The following FRMD4A variants were observed in gnomAD, a reference collection of about 807,000 sequenced individuals.
FRMD4A encodes the protein FERM domain containing 4A, also known as FERM domain-containing protein 4A.
Under a neutral mutation model 129.1 loss-of-function variants are expected in FRMD4A, and 29 were observed. The observed-to-expected ratio is 0.22, with a 90% CI of 0.17 to 0.31. The LOEUF is 0.31. Among genes scored for constraint, FRMD4A ranks in the 10% least tolerant of loss-of-function variants. The pLI is 1.00. For synonymous variants in FRMD4A, 634 were observed against 571.6 expected (o/e 1.11, Z -1.56); for missense variants, 1,272 against 1,375.8 (o/e 0.92, Z 1.19).
intron 2 of FRMD4A, among the ~76,000 whole-genome samples, chr10:13,884,196 TCA>T (rs1564971568): frequency 2.1e-4 from 23 of 108,568 alleles, no homozygotes; most frequent in Admixed American, 7.0e-4. Context: ...ACACACACAC[TCA>T]CACACACACT....
At chr10:14,003,774 A>C (rs546171271) in intron 2 of FRMD4A, among the ~76,000 whole-genome samples, 1 of 152,336 alleles carries the variant, frequency 6.6e-6, no homozygotes, top group East Asian at 1.9e-4. Flanking sequence ...TCACTCACTC[A>C]TTCTTAGGCT....
At chr10:14,181,451 C>A (rs1841910856) in intron 2 of FRMD4A, among the ~76,000 whole-genome samples, 1 of 152,152 alleles carries the variant, frequency 6.6e-6, no homozygotes, top group Non-Finnish European at 1.5e-5. Flanking sequence ...TGGGCGGAAG[C>A]AATGCCTCCT....
intron 2 of FRMD4A, chr10:14,326,953 C>A: frequency 2.5e-6 from 1 of 398,688 alleles, no homozygotes; most frequent in Non-Finnish European, 4.4e-6. Flanking sequence ...CTCCAAGTCC[C>A]CCCTTCCGTG....
At position 13,932,415 on chromosome 10, in the gene FRMD4A, C is replaced by A. The variant is rs187429134; in HGVS notation, c.46-73503G>T. 1.5e-4 allele frequency among the ~76,000 whole-genome samples: 23 copies of A among 152,304 alleles called. 1 individual carries two copies. The highest frequency in any genetic ancestry group is 2.1e-4 in the Non-Finnish European group (14 of 68,014). On this transcript the variant is annotated intron_variant, in intron 2 of 24. Transcript: ENST00000357447. ...TCATCTCCTGAAAGCCCCTTCTGGA[C>A]AAACTCCAGGTTTCCAGGTCTGTTT...
At chr10:13,965,224 C>G (rs189490781) in intron 2 of FRMD4A, among the ~76,000 whole-genome samples, 37 of 152,252 alleles carry the variant, frequency 2.4e-4, no homozygotes, top group African/African-American at 8.9e-4. Flanking sequence ...AGAACCCTCA[C>G]CCTTAAATGC....
intron 9 of FRMD4A, among the ~76,000 whole-genome samples, chr10:13,746,540 CCA>C (rs1318796669): frequency 6.6e-6 from 1 of 152,086 alleles, no homozygotes; most frequent in African/African-American, 2.4e-5. Context: ...ATGCCCTACC[CCA>C]GACACACGAA....
At chr10:13,803,238 G>A (rs1436822329) in intron 4 of FRMD4A, among the ~76,000 whole-genome samples, 1 of 151,896 alleles carries the variant, frequency 6.6e-6, no homozygotes, top group African/African-American at 2.4e-5. Context: ...GTATATACTG[G>A]GGAAACCAGA....
chr10:13,850,000 C>A (rs1387580045), intron 3 of FRMD4A, among the ~76,000 whole-genome samples: 1 of 151,674 alleles, frequency 6.6e-6, no homozygotes, highest in African/African-American at 2.4e-5. Context: ...GAAATCCCGC[C>A]TCTACTAAAA....
At chr10:14,245,433 G>T (rs904042551) in intron 2 of FRMD4A, among the ~76,000 whole-genome samples, 2 of 152,338 alleles carry the variant, frequency 1.3e-5, no homozygotes, top group Non-Finnish European at 2.9e-5. Context: ...AGAGAGGAAT[G>T]TCTAGAGTAT....
At chr10:13,831,490 C>T (rs1351544828) in intron 3 of FRMD4A, among the ~76,000 whole-genome samples, 1 of 152,168 alleles carries the variant, frequency 6.6e-6, no homozygotes, top group African/African-American at 2.4e-5. Flanking sequence ...TGTTAGGAAA[C>T]AAGAAGGCTT....
At chr10:13,667,659 C>T (rs2083170419) in intron 17 of FRMD4A, 1 of 152,218 alleles carries the variant, frequency 6.6e-6, no homozygotes, top group Non-Finnish European at 1.5e-5. Flanking sequence ...TGCGGAATCC[C>T]CCGCAAAGCG....
At chr10:13,759,739 A>T (rs1378778717) in intron 8 of FRMD4A, among the ~76,000 whole-genome samples, 1 of 152,240 alleles carries the variant, frequency 6.6e-6, no homozygotes, top group Non-Finnish European at 1.5e-5. Context: ...CATTATGTTT[A>T]GCAAATTCGG....
At chr10:13,788,636 C>T (rs537826040) in intron 5 of FRMD4A, among the ~76,000 whole-genome samples, 1 of 152,318 alleles carries the variant, frequency 6.6e-6, no homozygotes, top group African/African-American at 2.4e-5. Context: ...TAAAGGAACA[C>T]TCTAGATGGA....
intron 2 of FRMD4A, among the ~76,000 whole-genome samples, chr10:13,951,930 A>AAT (rs1386531993): frequency 1.2e-4 from 13 of 104,260 alleles, no homozygotes; most frequent in Admixed American, 3.0e-4. Context: ...TAATAATAAT[A>AAT]AACAATCTAA....
intron 2 of FRMD4A, among the ~76,000 whole-genome samples, chr10:14,061,167 G>T (rs1021266759): frequency 6.6e-6 from 1 of 152,124 alleles, no homozygotes; most frequent in African/African-American, 2.4e-5. Context: ...GCACATTTAG[G>T]CCGGGCGTAG....
At chr10:14,267,909 T>C (rs950299764) in intron 2 of FRMD4A, among the ~76,000 whole-genome samples, 3 of 152,208 alleles carry the variant, frequency 2.0e-5, no homozygotes, top group African/African-American at 7.2e-5. Flanking sequence ...GAACTACAAA[T>C]GTTAGAATAC....
chr10:13,819,209 C>T (rs11813878), intron 3 of FRMD4A, among the ~76,000 whole-genome samples: 7,229 of 152,172 alleles, frequency 0.048, 469 homozygotes, highest in African/African-American at 0.15. Flanking sequence ...TTTAAGACCA[C>T]CCTATGAACC....
At chr10:14,197,683 A>T (rs191270267) in intron 2 of FRMD4A, among the ~76,000 whole-genome samples, 1 of 152,296 alleles carries the variant, frequency 6.6e-6, no homozygotes, top group East Asian at 1.9e-4. Flanking sequence ...GTTATGACAA[A>T]TCCACTGTAC....
intron 2 of FRMD4A, among the ~76,000 whole-genome samples, chr10:14,304,855 C>T (rs1846294379): frequency 6.6e-6 from 1 of 152,200 alleles, no homozygotes; most frequent in Non-Finnish European, 1.5e-5. Context: ...GATAAATATC[C>T]CGGCTGCATC....
Sources: gnomAD v4.1 joint callset for allele counts (sites outside exome capture counted in the v4.1 genomes callset) on GRCh38, gnomAD v4.1.1 for gene constraint, MANE v1.5 for transcripts, NCBI Gene and HGNC (gene_info 2026-07-23, HGNC 2026-07-21) for gene names.